The following CDK17 variants were observed in gnomAD, a reference collection of about 807,000 sequenced individuals.
The protein encoded by CDK17 is cyclin dependent kinase 17, also known as cyclin-dependent kinase 17.
A neutral mutation model predicts 77.6 loss-of-function variants in CDK17; 24 were observed. The ratio of observed to expected loss-of-function variants is 0.31; its 90% confidence interval spans 0.22 to 0.44. The LOEUF is 0.44. Among genes scored for constraint, CDK17 ranks in the 20% least tolerant of loss-of-function variants. CDK17 has a pLI of 1.00. For missense variants in CDK17, 429 were observed against 622.5 expected (o/e 0.69, Z 3.31); for synonymous variants, 203 against 210.4 (o/e 0.96, Z 0.30).
chr12:96,378,764 A>T (rs1477463307), intron 1 of CDK17, among the ~76,000 whole-genome samples: 21 of 152,262 alleles, frequency 1.4e-4, no homozygotes, highest in Admixed American at 1.4e-3. Context: ...ACATCTACAT[A>T]AGAAAATACT....
intron 5 of CDK17, among the ~76,000 whole-genome samples, 197 bp downstream of exon 5, chr12:96,310,855 T>C (rs1000346470): frequency 6.6e-6 from 1 of 151,498 alleles, no homozygotes. Context: ...CCTATTCCAA[T>C]ATGCATCCTA....
chr12:96,330,708 T>C (rs1434886592), intron 2 of CDK17, among the ~76,000 whole-genome samples: 1 of 152,250 alleles, frequency 6.6e-6, no homozygotes, highest in East Asian at 1.9e-4. Flanking sequence ...TGAATAATAT[T>C]CCATTCTATG....
chr12:96,343,624 A>T (rs891196421), intron 1 of CDK17, among the ~76,000 whole-genome samples: 4 of 152,222 alleles, frequency 2.6e-5, no homozygotes, highest in African/African-American at 9.6e-5. Flanking sequence ...GACTTACTAC[A>T]GAGATAATGT....
chr12:96,364,492 C>T (rs1048977090), intron 1 of CDK17, among the ~76,000 whole-genome samples: 12 of 152,266 alleles, frequency 7.9e-5, no homozygotes, highest in African/African-American at 2.6e-4. Context: ...TGACTAATGT[C>T]GCCAATCATC....
At chr12:96,382,307 G>A (rs1364432329) in intron 1 of CDK17, among the ~76,000 whole-genome samples, 1 of 149,180 alleles carries the variant, frequency 6.7e-6, no homozygotes, top group Non-Finnish European at 1.5e-5. Flanking sequence ...CAGGAAGGAA[G>A]TGAAAACCTG....
rs540316555 is a variant in CDK17, at chr12:96,337,257, A to G, written c.-29-2392T>C. 2.0e-5 allele frequency among the ~76,000 whole-genome samples: 3 copies of G among 151,500 alleles called. No individual in the cohort carries two copies. The South Asian group carries it at 6.3e-4, about 32-fold the overall frequency. On this transcript the variant is annotated intron_variant, in intron 1 of 16. Coordinates refer to ENST00000261211, the MANE Select transcript of CDK17 (RefSeq NM_002595.5). ...AACAAACTATTGAAAGCTCCATTCA[A>G]CTTCCTCAGTCGTTTTTTGCTCATC...
intron 5 of CDK17, among the ~76,000 whole-genome samples, chr12:96,305,937 G>A (rs1424698831): frequency 6.6e-6 from 1 of 152,118 alleles, no homozygotes; most frequent in East Asian, 1.9e-4. Flanking sequence ...GCCCAGGCTG[G>A]TCTTGGACTC....
At chr12:96,381,606 C>T (rs1456903234) in intron 1 of CDK17, among the ~76,000 whole-genome samples, 2 of 151,580 alleles carry the variant, frequency 1.3e-5, no homozygotes, top group African/African-American at 4.8e-5. Flanking sequence ...TTTTTGCCTG[C>T]CATTTACTAA....
intron 11 of CDK17, 75 bp downstream of exon 11, chr12:96,289,092 C>A: frequency 2.1e-6 from 3 of 1,458,776 alleles, no homozygotes; most frequent in Non-Finnish European, 2.9e-6. Flanking sequence ...AAAGTATATA[C>A]TTATCAATAC....
At chr12:96,384,680 T>C (rs560151426) in intron 1 of CDK17, among the ~76,000 whole-genome samples, 1 of 152,292 alleles carries the variant, frequency 6.6e-6, no homozygotes, top group African/African-American at 2.4e-5. Flanking sequence ...TACTGTACGT[T>C]CTCACTTATA....
intron 1 of CDK17, among the ~76,000 whole-genome samples, chr12:96,373,356 G>C (rs1019538770): frequency 7.2e-5 from 11 of 152,156 alleles, no homozygotes; most frequent in Admixed American, 5.9e-4. Context: ...ACTTTGGGAG[G>C]CCTAGGCAGG....
rs749707538 is a variant in CDK17 at position 96,300,381 on chromosome 12, A to T, written c.544-21T>A. Reference sequence around the variant, plus strand: ...TCTGACTGAAAAGTAAACAATGAAAAATGTAGTATTTACTTTTTTTTTTTT... The same window carrying T: ...TCTGACTGAAAAGTAAACAATGAAATATGTAGTATTTACTTTTTTTTTTTT... On this transcript the variant is annotated intron_variant, in intron 5 of 16. Transcript: ENST00000261211. 8 of 1,460,636 alleles carry T rather than the reference A, an allele frequency of 5.5e-6. No homozygotes were observed. In the South Asian group the frequency reaches 8.5e-5, roughly 16 times the overall value. 90.5% of individuals were successfully genotyped at this position (1,460,636 alleles called of 1,614,324 possible).
At chr12:96,304,958 T>C (rs1319865303) in intron 5 of CDK17, among the ~76,000 whole-genome samples, 1 of 152,224 alleles carries the variant, frequency 6.6e-6, no homozygotes, top group Non-Finnish European at 1.5e-5. Context: ...GGAAGGCATA[T>C]GCTCTTAAAA....
chr12:96,284,626 G>A (rs1360596751), intron 13 of CDK17, among the ~76,000 whole-genome samples: 2 of 149,800 alleles, frequency 1.3e-5, no homozygotes, highest in Admixed American at 6.6e-5. Flanking sequence ...GCAAAGGTGC[G>A]ATCCCGGCTC....
At chr12:96,308,241 A>AT (rs2137099400) in intron 5 of CDK17, among the ~76,000 whole-genome samples, 1 of 148,608 alleles carries the variant, frequency 6.7e-6, no homozygotes, top group East Asian at 2.0e-4. Context: ...AAAAAAAAAA[A>AT]AAAAAAAAAA....
rs1952725673 is a variant in CDK17 at position 96,316,653 on chromosome 12, A to AC, written c.284-3200dup. On this transcript the variant is annotated intron_variant, in intron 3 of 16. Coordinates refer to ENST00000261211, the MANE Select transcript of CDK17 (RefSeq NM_002595.5). ...CCTCAAGTGGGTCCCTGACCCCCTG[A>AC]CCCCCGAGCAGCCTAACTGTGAGGC... 1.6e-5 allele frequency among the ~76,000 whole-genome samples: 2 copies of AC among 128,410 alleles called. 1 individual carries two copies. Among genetic ancestry groups the AC allele is most frequent in the Non-Finnish European group, 3.3e-5 (2 of 59,904 alleles). 84.2% of individuals were successfully genotyped at this position (128,410 alleles called of 152,430 possible).
At chr12:96,311,438 A>G (rs1188622462) in intron 4 of CDK17, among the ~76,000 whole-genome samples, 1 of 151,216 alleles carries the variant, frequency 6.6e-6, no homozygotes, top group Admixed American at 6.6e-5. Flanking sequence ...ATTCAACTTG[A>G]AATTTACTTT....
chr12:96,352,484 T>C (rs1953326827), intron 1 of CDK17, among the ~76,000 whole-genome samples: 1 of 151,996 alleles, frequency 6.6e-6, no homozygotes, highest in Non-Finnish European at 1.5e-5. Flanking sequence ...AACTGGGCTA[T>C]AAAGGCTGGG....
chr12:96,331,566 A>G (rs1041040123), intron 2 of CDK17, among the ~76,000 whole-genome samples: 3 of 152,300 alleles, frequency 2.0e-5, no homozygotes, highest in Admixed American at 2.0e-4. Context: ...ATAAATAGAC[A>G]AAGTAATTTG....
Sources: allele counts gnomAD v4.1 joint callset (sites outside exome capture counted in the v4.1 genomes callset), GRCh38; gene constraint gnomAD v4.1.1; transcripts MANE v1.5; gene names NCBI Gene and HGNC (gene_info 2026-07-23, HGNC 2026-07-21).